The following EPHA6 variants were observed in gnomAD, a reference collection of about 807,000 sequenced individuals.
The protein encoded by EPHA6 is EPH receptor A6.
Under a neutral mutation model 112.0 loss-of-function variants are expected in EPHA6, and 50 were observed. The observed-to-expected ratio is 0.45, with a 90% CI of 0.36 to 0.56. The LOEUF is 0.56. EPHA6 is among the 20% of genes least tolerant of loss of function. The pLI is 0.00. For synonymous variants in EPHA6, 529 were observed against 490.7 expected (o/e 1.08, Z -1.03); for missense variants, 1,280 against 1,417.4 (o/e 0.90, Z 1.56).
At chr3:97,561,737 T>C (rs2093195436) in intron 11 of EPHA6, among the ~76,000 whole-genome samples, 1 of 152,124 alleles carries the variant, frequency 6.6e-6, no homozygotes, top group Non-Finnish European at 1.5e-5. Flanking sequence ...CATACTTCTA[T>C]TGGAAGAAGA....
intron 2 of EPHA6, among the ~76,000 whole-genome samples, chr3:96,872,788 T>A (rs1264338578): frequency 6.6e-6 from 1 of 152,030 alleles, no homozygotes; most frequent in Non-Finnish European, 1.5e-5. Flanking sequence ...TTAAATTTGA[T>A]GTGAAAATAT....
At chr3:96,940,298 A>T (rs1436276210) in intron 2 of EPHA6, among the ~76,000 whole-genome samples, 1 of 152,210 alleles carries the variant, frequency 6.6e-6, no homozygotes, top group Non-Finnish European at 1.5e-5. Flanking sequence ...TATTGGGTGC[A>T]TATATATTTA....
In EPHA6 at chr3:97,365,464, C is replaced by T. The variant is rs531508156; in HGVS notation, c.1607-39686C>T. ...GGAGTGCTATGGCGTGATCTCGGCTCACTGCACCCTCTGACTCCCTGGTTC... is the reference window on the plus strand; with the variant it reads ...GGAGTGCTATGGCGTGATCTCGGCTTACTGCACCCTCTGACTCCCTGGTTC... On this transcript the variant is annotated intron_variant, in intron 5 of 17. Transcript: ENST00000389672. 4.0e-5 allele frequency among the ~76,000 whole-genome samples: 6 copies of T among 151,832 alleles called. No homozygotes were observed. In the South Asian group the frequency reaches 1.0e-3, roughly 26 times the overall value.
chr3:97,150,277 A>G (rs1323014672), intron 3 of EPHA6, among the ~76,000 whole-genome samples: 1 of 152,106 alleles, frequency 6.6e-6, no homozygotes, highest in African/African-American at 2.4e-5. Flanking sequence ...ACAATTCTCT[A>G]TTGATAATGT....
rs532058105 is a variant in EPHA6 at position 97,722,035 on chromosome 3, C to A, written c.2934+1625C>A. ...CCAAAATAGGCCATTCAAGCAAATGCCCAGAATAAAAAGTCCTTCTCCTCC... is the reference window on the plus strand; with the variant it reads ...CCAAAATAGGCCATTCAAGCAAATGACCAGAATAAAAAGTCCTTCTCCTCC... On this transcript the variant is annotated intron_variant, in intron 15 of 17. Coordinates refer to ENST00000389672, the MANE Select transcript of EPHA6 (RefSeq NM_001080448.3). Among the ~76,000 whole-genome samples, 8 of 152,208 alleles carry A rather than the reference C, an allele frequency of 5.3e-5. No homozygotes were observed. The East Asian group carries it at 1.5e-3, about 29-fold the overall frequency.
intron 3 of EPHA6, among the ~76,000 whole-genome samples, chr3:97,039,114 T>G (rs1405800077): frequency 6.6e-6 from 1 of 152,036 alleles, no homozygotes; most frequent in Non-Finnish European, 1.5e-5. Flanking sequence ...TTTATCTTAT[T>G]ATCAACAACA....
intron 11 of EPHA6, among the ~76,000 whole-genome samples, chr3:97,588,966 A>G (rs892235468): frequency 2.6e-5 from 4 of 152,218 alleles, no homozygotes; most frequent in Admixed American, 1.3e-4. Context: ...AATTTACAAC[A>G]TAGAGATATT....
intron 2 of EPHA6, among the ~76,000 whole-genome samples, chr3:96,881,514 C>A (rs1181546068): frequency 2.0e-5 from 3 of 152,174 alleles, no homozygotes; most frequent in Non-Finnish European, 4.4e-5. Context: ...CACAAGGTCC[C>A]TCCCACAACA....
intron 11 of EPHA6, among the ~76,000 whole-genome samples, chr3:97,534,531 A>C (rs970602283): frequency 4.0e-5 from 6 of 150,490 alleles, no homozygotes; most frequent in Non-Finnish European, 7.4e-5. Context: ...TTTGAATTGA[A>C]CAACATTAAA....
Position 97,311,442 on chromosome 3 carries a change from T to TCACACACACACACA in EPHA6, c.1606+67175_1606+67188dup, listed in dbSNP as rs35415439. Among the ~76,000 whole-genome samples, 455 of 144,146 alleles carry TCACACACACACACA rather than the reference T, an allele frequency of 3.2e-3. 3 individuals are homozygous for TCACACACACACACA. The highest frequency in any genetic ancestry group is 0.01 in the African/African-American group (415 of 39,964). The allele number at this position is 144,146 out of a possible 152,430, so 94.6% of individuals were successfully genotyped here. A position where few individuals can be genotyped will look rare whatever the true frequency, so the allele number is the denominator to read the frequency against. On this transcript the variant is annotated intron_variant, in intron 5 of 17. Coordinates refer to ENST00000389672, the MANE Select transcript of EPHA6 (RefSeq NM_001080448.3). The stretch of plus-strand genomic sequence containing the variant: ...CCAAATCATCATTTGGATTACACTT[T>TCACACACACACACA]CACACACACACACACACACACACAC...
At chr3:97,150,601 TCTGGTTGC>T (rs2076148621) in intron 3 of EPHA6, among the ~76,000 whole-genome samples, 1 of 152,100 alleles carries the variant, frequency 6.6e-6, no homozygotes, top group Non-Finnish European at 1.5e-5. Context: ...GTGCTGATAC[TCTGGTTGC>T]CTTTATAACT....
chr3:97,125,514 A>T (rs1412465865), intron 3 of EPHA6, among the ~76,000 whole-genome samples: 1 of 152,176 alleles, frequency 6.6e-6, no homozygotes, highest in Non-Finnish European at 1.5e-5. Context: ...GAATAAGTGC[A>T]GATATTTATT....
intron 14 of EPHA6, among the ~76,000 whole-genome samples, chr3:97,716,491 C>G (rs1046514499): frequency 1.6e-5 from 2 of 127,048 alleles, no homozygotes; most frequent in African/African-American, 4.7e-5. Flanking sequence ...TGGCGTGAAC[C>G]CGGGAAGCGG....
chr3:97,403,637 G>A (rs1370115421), intron 5 of EPHA6, among the ~76,000 whole-genome samples: 2 of 152,104 alleles, frequency 1.3e-5, no homozygotes, highest in Non-Finnish European at 2.9e-5. Flanking sequence ...TAGTAGAGAC[G>A]GGGTTTCACC....
intron 2 of EPHA6, among the ~76,000 whole-genome samples, chr3:96,942,803 C>T (rs1484254642): frequency 6.6e-6 from 1 of 152,264 alleles, no homozygotes; most frequent in Non-Finnish European, 1.5e-5. Flanking sequence ...AATAAGTATT[C>T]ATATGTTCAT....
chr3:97,362,532 ATATG>A (rs2084429258), intron 5 of EPHA6, among the ~76,000 whole-genome samples: 2 of 152,020 alleles, frequency 1.3e-5, no homozygotes. Flanking sequence ...TAAGAATGTT[ATATG>A]TATATGTTTA....
intron 14 of EPHA6, among the ~76,000 whole-genome samples, chr3:97,660,248 GCTAT>G (rs1379505344): frequency 6.6e-6 from 1 of 151,854 alleles, no homozygotes; most frequent in Non-Finnish European, 1.5e-5. Context: ...ATTTTCACTA[GCTAT>G]CTAACTTTCA....
At chr3:97,577,879 G>T (rs887538155) in intron 11 of EPHA6, among the ~76,000 whole-genome samples, 1 of 152,104 alleles carries the variant, frequency 6.6e-6, no homozygotes, top group South Asian at 2.1e-4. Context: ...TGGAAGTTAT[G>T]TTTCAATGTG....
intron 7 of EPHA6, among the ~76,000 whole-genome samples, chr3:97,456,184 G>C (rs1164969560): frequency 2.6e-5 from 4 of 152,018 alleles, no homozygotes; most frequent in African/African-American, 4.8e-5. Context: ...TATTTCTTTG[G>C]TATATAAACC....
Sources: gnomAD v4.1 joint callset for allele counts (sites outside exome capture counted in the v4.1 genomes callset) on GRCh38, gnomAD v4.1.1 for gene constraint, MANE v1.5 for transcripts, NCBI Gene and HGNC (gene_info 2026-07-23, HGNC 2026-07-21) for gene names.